PRSS55: variants seen among roughly 807,000 people sequenced by gnomAD.
PRSS55 encodes the protein probable serine protease UNQ9391/PRO34284.
Under a neutral mutation model 23.6 loss-of-function variants are expected in PRSS55, and 41 were observed. The observed-to-expected ratio is 1.74, with a 90% confidence interval of 1.35 to 2.26. The LOEUF is 2.26. Ranked by LOEUF, PRSS55 falls within the 30% of genes most tolerant of loss-of-function variation. The pLI, the probability that PRSS55 is intolerant of heterozygous loss-of-function variation, is 0.00. For missense variants in PRSS55, 669 were observed against 439.1 expected (o/e 1.52, Z -4.68); for synonymous variants, 262 against 175.5 (o/e 1.49, Z -3.90).
At chr8:10,543,438 TCCTTCCATCCTTCCTTCC>T (rs1563547272), downstream of PRSS55, among the ~76,000 whole-genome samples, 122 of 22,826 alleles carry the variant, frequency 5.3e-3, no homozygotes, top group South Asian at 0.014. Context: ...CTTCCTTCCT[TCCTTCCATCCTTCCTTCC>T]TTCCTTCCTT....
intron 4 of PRSS55, 102 bp downstream of exon 4, chr8:10,533,150 T>C: frequency 7.7e-7 from 1 of 1,299,134 alleles, no homozygotes; most frequent in Non-Finnish European, 1.1e-6. Context: ...ATTCTGAGTC[T>C]GGAAAATGTA....
At chr8:10,551,824 A>G (rs754186612) in intron 4 of PRSS55, among the ~76,000 whole-genome samples, 13 of 152,224 alleles carry the variant, frequency 8.5e-5, no homozygotes, top group Non-Finnish European at 1.9e-4. Context: ...CTCACTGCAA[A>G]GCACCTCCAG....
At position 10,529,708 on chromosome 8, in the gene PRSS55, C is replaced by G. The variant is rs1390166695; in HGVS notation, c.347+9C>G. ...TATTCCGAGGAGCTGTTGTAAGTACCATGGGCCTCCCACTGCCACCTCTCA... is the reference window on the plus strand; with the variant it reads ...TATTCCGAGGAGCTGTTGTAAGTACGATGGGCCTCCCACTGCCACCTCTCA... On this transcript the variant is annotated intron_variant, in intron 2 of 4. Transcript: ENST00000328655. The G allele has an allele frequency of 2.5e-6, 4 of 1,605,336 alleles. No individual in the cohort carries two copies. Among genetic ancestry groups the G allele is most frequent in the Non-Finnish European group, 3.4e-6 (4 of 1,173,494 alleles).
Sources: allele counts gnomAD v4.1 joint callset (sites outside exome capture counted in the v4.1 genomes callset), GRCh38; gene constraint gnomAD v4.1.1; transcripts MANE v1.5; gene names NCBI Gene and HGNC (gene_info 2026-07-23, HGNC 2026-07-21).